Variants in SUPT3H observed in about 807,000 individuals in gnomAD.
The protein encoded by SUPT3H is transcription initiation protein SPT3 homolog.
A neutral mutation model predicts 44.3 loss-of-function variants in SUPT3H; 44 were observed. The observed-to-expected ratio is 0.99, with a 90% confidence interval of 0.78 to 1.28. The LOEUF is 1.28. SUPT3H is among the 50% of genes most tolerant of loss of function. The probability of loss-of-function intolerance (pLI) is 0.00; values close to 1 mark genes in which losing one functional copy is unlikely to be tolerated. For synonymous variants in SUPT3H, 124 were observed against 125.6 expected, an observed-to-expected ratio of 0.99 and a Z score of 0.09; for missense variants, 380 against 387.1, an observed-to-expected ratio of 0.98 and a Z score of 0.15.
intron 10 of SUPT3H, among the ~76,000 whole-genome samples, chr6:44,886,278 T>C (rs1762279900): frequency 6.6e-6 from 1 of 151,962 alleles, no homozygotes; most frequent in Non-Finnish European, 1.5e-5. Flanking sequence ...GCCACAAAGA[T>C]ACTCCTCGAG....
intron 2 of SUPT3H, among the ~76,000 whole-genome samples, chr6:45,275,352 G>T (rs1375117278): frequency 6.6e-6 from 1 of 152,060 alleles, no homozygotes; most frequent in Non-Finnish European, 1.5e-5. Context: ...TTTTTGAGAT[G>T]TATGTTTTAC....
At chr6:44,903,025 A>G in intron 10 of SUPT3H, among the ~76,000 whole-genome samples, 1 of 152,170 alleles carries the variant, frequency 6.6e-6, no homozygotes, top group Non-Finnish European at 1.5e-5. Context: ...GGACACATTC[A>G]AAGCAGTGTG....
intron 2 of SUPT3H, among the ~76,000 whole-genome samples, chr6:45,192,315 T>C (rs550424935): frequency 3.3e-5 from 5 of 152,272 alleles, no homozygotes; most frequent in Non-Finnish European, 7.4e-5. Flanking sequence ...CAATGTCTTC[T>C]GTTTATATAA....
intron 2 of SUPT3H, among the ~76,000 whole-genome samples, chr6:45,214,836 C>T (rs1289648304): frequency 6.6e-6 from 1 of 152,142 alleles, no homozygotes; most frequent in Non-Finnish European, 1.5e-5. Flanking sequence ...GTAACAGAGA[C>T]TTCATTAATA....
intron 11 of SUPT3H, among the ~76,000 whole-genome samples, chr6:44,816,135 A>C (rs1400138902): frequency 1.3e-5 from 2 of 152,214 alleles, no homozygotes; most frequent in South Asian, 2.1e-4. Context: ...TGAGTCAAAG[A>C]GAAAATCAGA....
At chr6:44,909,993 C>A (rs1427427401) in intron 10 of SUPT3H, among the ~76,000 whole-genome samples, 3 of 152,076 alleles carry the variant, frequency 2.0e-5, no homozygotes, top group African/African-American at 7.2e-5. Context: ...ACAATACATA[C>A]CAAAAGTCTT....
At chr6:44,979,545 G>T (rs866488790) in intron 6 of SUPT3H, among the ~76,000 whole-genome samples, 1 of 151,790 alleles carries the variant, frequency 6.6e-6, no homozygotes, top group Non-Finnish European at 1.5e-5. Context: ...GTGTGTGTGG[G>T]GGGGGGAAAT....
chr6:45,303,799 C>A (rs1782555067), intron 2 of SUPT3H, among the ~76,000 whole-genome samples: 2 of 151,758 alleles, frequency 1.3e-5, no homozygotes, highest in South Asian at 4.1e-4. Context: ...TCAAGACCAG[C>A]CTGGCCAATA....
chr6:45,367,441 CCAT>C, intron 1 of SUPT3H, among the ~76,000 whole-genome samples: 1 of 151,536 alleles, frequency 6.6e-6, no homozygotes, highest in East Asian at 1.9e-4. Flanking sequence ...AGAAACATAA[CCAT>C]TTGAGACTCG....
intron 3 of SUPT3H, among the ~76,000 whole-genome samples, chr6:45,038,431 G>C (rs1292268189): frequency 6.6e-6 from 1 of 152,168 alleles, no homozygotes; most frequent in Non-Finnish European, 1.5e-5. Flanking sequence ...CTAATGATTA[G>C]AGTAGCTATT....
intron 3 of SUPT3H, among the ~76,000 whole-genome samples, chr6:45,048,219 CTCTT>C (rs1789719853): frequency 8.6e-6 from 1 of 116,858 alleles, no homozygotes; most frequent in Admixed American, 9.0e-5. Context: ...TGTCTCTCTA[CTCTT>C]TTTTTTTTTT....
intron 10 of SUPT3H, among the ~76,000 whole-genome samples, chr6:44,923,057 T>C (rs896347338): frequency 6.6e-6 from 1 of 152,138 alleles, no homozygotes; most frequent in Non-Finnish European, 1.5e-5. Context: ...TTAGTCCTTT[T>C]AGAATATTCC....
chr6:45,304,934 T>C (rs1782753010), intron 2 of SUPT3H, among the ~76,000 whole-genome samples: 1 of 152,198 alleles, frequency 6.6e-6, no homozygotes, highest in African/African-American at 2.4e-5. Context: ...TTACAAACAG[T>C]TGATTACAGA....
intron 10 of SUPT3H, among the ~76,000 whole-genome samples, chr6:44,921,296 G>A (rs1768685954): frequency 1.3e-5 from 2 of 152,202 alleles, no homozygotes; most frequent in African/African-American, 4.8e-5. Flanking sequence ...CTTTGTATGC[G>A]AAGTGTGCTT....
At chr6:45,257,196 G>T (rs1773550215) in intron 2 of SUPT3H, among the ~76,000 whole-genome samples, 2 of 152,044 alleles carry the variant, frequency 1.3e-5, no homozygotes, top group South Asian at 4.2e-4. Context: ...TGACTATAAT[G>T]GCTTTTTCCA....
At chr6:45,287,437 A>G (rs912620250) in intron 2 of SUPT3H, among the ~76,000 whole-genome samples, 6 of 152,140 alleles carry the variant, frequency 3.9e-5, no homozygotes, top group African/African-American at 1.4e-4. Flanking sequence ...AAAGAAAGGA[A>G]ATTCTGTAAC....
intron 10 of SUPT3H, among the ~76,000 whole-genome samples, chr6:44,860,882 A>T (rs1774539360): frequency 6.6e-6 from 1 of 152,162 alleles, no homozygotes; most frequent in Non-Finnish European, 1.5e-5. Context: ...GGTGATATAT[A>T]TTTTTTTAAT....
At chr6:45,153,793 C>T (rs976391154) in intron 2 of SUPT3H, among the ~76,000 whole-genome samples, 7 of 151,938 alleles carry the variant, frequency 4.6e-5, no homozygotes, top group African/African-American at 1.7e-4. Context: ...TTAGGCCGGG[C>T]ACGGTGGCTC....
intron 2 of SUPT3H, among the ~76,000 whole-genome samples, chr6:45,108,030 A>C (rs941515086): frequency 6.6e-6 from 1 of 152,250 alleles, no homozygotes; most frequent in Non-Finnish European, 1.5e-5. Flanking sequence ...AATCTGATAA[A>C]GACCATATAT....
Sources: allele counts gnomAD v4.1 joint callset (sites outside exome capture counted in the v4.1 genomes callset), GRCh38; gene constraint gnomAD v4.1.1; transcripts MANE v1.5; gene names NCBI Gene and HGNC (gene_info 2026-07-23, HGNC 2026-07-21).